FCGR1A: variants seen among roughly 807,000 people sequenced by gnomAD.
FCGR1A encodes Fc gamma receptor Ia, also known as high affinity immunoglobulin gamma Fc receptor I.
Under a neutral mutation model 35.0 loss-of-function variants are expected in FCGR1A, and 13 were observed. The observed-to-expected ratio is 0.37, with a 90% CI of 0.24 to 0.59. FCGR1A has a LOEUF of 0.59. FCGR1A is among the 20% of genes least tolerant of loss of function. The probability of loss-of-function intolerance (pLI) is 0.71; values close to 1 mark genes in which losing one functional copy is unlikely to be tolerated. For synonymous variants in FCGR1A, 91 were observed against 164.7 expected (o/e 0.55, Z 3.43); for missense variants, 227 against 430.0 (o/e 0.53, Z 4.17).
At chr1:149,793,442 C>T (rs639920), downstream of FCGR1A, among the ~76,000 whole-genome samples, 1 of 152,134 alleles carries the variant, frequency 6.6e-6, no homozygotes, top group Non-Finnish European at 1.5e-5. Context: ...CGAGCTTCAC[C>T]CACAAGGGCC....
downstream of FCGR1A, among the ~76,000 whole-genome samples, chr1:149,793,428 C>A (rs1388564863): frequency 5.9e-5 from 9 of 152,100 alleles, no homozygotes; most frequent in African/African-American, 2.2e-4. Flanking sequence ...GACTCGGGAA[C>A]CGCCGAGCTT....
At chr1:149,794,059 C>T (rs781898353), downstream of FCGR1A, 1 of 545,902 alleles carries the variant, frequency 1.8e-6, no homozygotes, top group South Asian at 1.5e-5. Flanking sequence ...TCACTGCCAC[C>T]AGGCTTAGTT....
At chr1:149,794,939 TGTAAATG>T (rs1401954322), downstream of FCGR1A, among the ~76,000 whole-genome samples, 1 of 8,470 alleles carries the variant, frequency 1.2e-4, no homozygotes, top group Non-Finnish European at 2.6e-4. Flanking sequence ...TTTGTGTTAT[TGTAAATG>T]GTATTGTCAG....
chr1:149,792,733 G>T, downstream of FCGR1A: 14 of 1,283,626 alleles, frequency 1.1e-5, no homozygotes, highest in Non-Finnish European at 1.3e-5. Context: ...GCAGCTCCGC[G>T]CCCCCGCCAA....
downstream of FCGR1A, chr1:149,792,749 A>C (rs1357717152): frequency 3.0e-5 from 39 of 1,283,652 alleles, no homozygotes; most frequent in Non-Finnish European, 3.5e-5. Context: ...GCCAAAACCC[A>C]GTGAGAAATT....
At position 149,788,597 on chromosome 1, in the gene FCGR1A, G is replaced by A; in HGVS notation, c.539G>A (p.Gly180Glu). Residue 180 changes from glycine (G) to glutamate (E), a missense_variant, in exon 4 of 6, where the codon GGA becomes GAA. Gly to Glu is a moderately conservative substitution (Grantham distance 98). Transcript: ENST00000369168. ...GGAAAGCATCGCTACACATCAGCAG[G>A]AATATCTGTCACTGTGAAAGGTATT... is the stretch of plus-strand genomic sequence containing the variant. ...GMGKHRYTSA[G>E]ISVTVKELFP... 6.2e-7 allele frequency: 1 copy of A among 1,613,982 alleles called. No individual in the cohort carries two copies. The highest frequency in any genetic ancestry group is 8.5e-7 in the Non-Finnish European group (1 of 1,179,872).
rs587758461 is a variant in FCGR1A, at chr1:149,784,428, T to G, written c.307+171T>G. 5.9e-5 allele frequency among the ~76,000 whole-genome samples: 9 copies of G among 152,242 alleles called. No homozygotes were observed. The South Asian group carries it at 1.7e-3, about 28-fold the overall frequency. On this transcript the variant is annotated intron_variant, in intron 3 of 5. Coordinates refer to ENST00000369168, the MANE Select transcript of FCGR1A (RefSeq NM_000566.4). Reference sequence around the variant, plus strand: ...TACTCAAAACATCACAGCAGGGTCCTTAAACTGTGTACCAACAGTACCTCA... The same window carrying G: ...TACTCAAAACATCACAGCAGGGTCCGTAAACTGTGTACCAACAGTACCTCA...
At chr1:149,785,505 C>A (rs1236034562) in intron 3 of FCGR1A, among the ~76,000 whole-genome samples, 1 of 140,802 alleles carries the variant, frequency 7.1e-6, no homozygotes, top group African/African-American at 2.6e-5. Flanking sequence ...CAACCTCTGA[C>A]AGAGCTGTTT....
downstream of FCGR1A, chr1:149,793,173 G>A (rs1456417211): frequency 1.8e-5 from 23 of 1,279,568 alleles, no homozygotes; most frequent in Non-Finnish European, 2.2e-5. Flanking sequence ...CACAGGAAAC[G>A]GGAGGACGGC....
At chr1:149,799,883 G>T in the FCGR1A span, among the ~76,000 whole-genome samples, 9 of 152,162 alleles carry the variant, frequency 5.9e-5, no homozygotes, top group Non-Finnish European at 1.3e-4. Context: ...CGGCGGAGGG[G>T]GGTTCTCCAT....
At position 149,788,343 on chromosome 1, in the gene FCGR1A, C is replaced by T. The variant is rs782163224; in HGVS notation, c.308-23C>T. On this transcript the variant is annotated intron_variant, in intron 3 of 5. Transcript: ENST00000369168. ...TTGTACCTCCTCCACTGTATACATA[C>T]ATTTTGGGTTCATATTTTTCAGGCT... The T allele has an allele frequency of 6.2e-6, 10 of 1,612,066 alleles. 1 individual carries two copies.
downstream of FCGR1A, chr1:149,792,086 G>GGTA (rs1559748260): frequency 2.7e-5 from 4 of 146,500 alleles, no homozygotes; most frequent in African/African-American, 8.3e-5. Flanking sequence ...GCATACAAGG[G>GGTA]GGTAACTCAT....
At chr1:149,798,533 A>G in the FCGR1A span, among the ~76,000 whole-genome samples, 1 of 151,752 alleles carries the variant, frequency 6.6e-6, no homozygotes, top group Non-Finnish European at 1.5e-5. Context: ...CAAACAATTC[A>G]TGGTCATTCC....
chr1:149,789,418 AATG>A (rs10544446), intron 4 of FCGR1A, among the ~76,000 whole-genome samples: 2,733 of 150,046 alleles, frequency 0.018, 104 homozygotes, highest in African/African-American at 0.062. Flanking sequence ...TAATAATAAT[AATG>A]ATGATAATAA....
chr1:149,789,952 T>C, intron 4 of FCGR1A, 102 bp from the exon 5 acceptor site: 1 of 1,607,188 alleles, frequency 6.2e-7, no homozygotes, highest in Non-Finnish European at 8.5e-7. Context: ...ATGGATGCAT[T>C]TTCTAGGGCC....
the FCGR1A span, among the ~76,000 whole-genome samples, chr1:149,799,414 T>C: frequency 1.3e-5 from 2 of 152,234 alleles, no homozygotes; most frequent in Non-Finnish European, 2.9e-5. Flanking sequence ...TCTCATCATG[T>C]ATGCTCAGAA....
chr1:149,789,718 TG>T (rs1205370247), intron 4 of FCGR1A, among the ~76,000 whole-genome samples: 3 of 152,162 alleles, frequency 2.0e-5, no homozygotes, highest in Admixed American at 6.5e-5. Context: ...TGTGCGTGCC[TG>T]ATGATCTGAG....
downstream of FCGR1A, among the ~76,000 whole-genome samples, chr1:149,793,520 C>T (rs1464248791): frequency 6.6e-6 from 1 of 152,090 alleles, no homozygotes; most frequent in Non-Finnish European, 1.5e-5. Context: ...GGATCTGATG[C>T]AGCTGGCGGG....
chr1:149,793,904 C>T (rs2091769260), downstream of FCGR1A: 41 of 1,286,354 alleles, frequency 3.2e-5, no homozygotes, highest in Admixed American at 2.1e-4. Context: ...CATTCTGGAT[C>T]TTTCCTAGCT....
Sources: gnomAD v4.1 joint callset for allele counts (sites outside exome capture counted in the v4.1 genomes callset) on GRCh38, gnomAD v4.1.1 for gene constraint, MANE v1.5 for transcripts, NCBI Gene and HGNC (gene_info 2026-07-23, HGNC 2026-07-21) for gene names.